Variants in WDFY4 observed in about 807,000 individuals in gnomAD.
WDFY4 encodes WD repeat- and FYVE domain-containing protein 4.
Under a neutral mutation model 351.9 loss-of-function variants are expected in WDFY4, and 169 were observed. The observed-to-expected ratio is 0.48, with a 90% CI of 0.42 to 0.55. WDFY4 has a LOEUF of 0.55. WDFY4 is among the 20% of genes least tolerant of loss of function. The pLI, the probability that WDFY4 is intolerant of heterozygous loss-of-function variation, is 0.00. For missense variants in WDFY4, 3,803 were observed against 3,935.6 expected (o/e 0.97, Z 0.90); for synonymous variants, 1,622 against 1,574.6 (o/e 1.03, Z -0.71).
chr10:48,716,709 A>T (rs778262677), intron 2 of WDFY4, among the ~76,000 whole-genome samples: 4 of 152,158 alleles, frequency 2.6e-5, no homozygotes, highest in Non-Finnish European at 5.9e-5. Flanking sequence ...AATTTGCTTT[A>T]TTGTGGAGTG....
chr10:48,850,035 A>C (rs1371072958), intron 39 of WDFY4, among the ~76,000 whole-genome samples: 1 of 152,246 alleles, frequency 6.6e-6, no homozygotes, highest in East Asian at 1.9e-4. Context: ...TTGGAAGGAC[A>C]ACCACAGAAG....
intron 47 of WDFY4, among the ~76,000 whole-genome samples, chr10:48,939,690 AAT>A (rs1480274479): frequency 6.6e-6 from 1 of 152,264 alleles, no homozygotes; most frequent in Non-Finnish European, 1.5e-5. Flanking sequence ...AGAGTTCTGT[AAT>A]CACCTTCAGA....
chr10:48,936,819 C>T (rs926525791), intron 47 of WDFY4, among the ~76,000 whole-genome samples: 37 of 131,080 alleles, frequency 2.8e-4, no homozygotes, highest in African/African-American at 9.8e-4. Context: ...GCCTGGGCAA[C>T]AGAGTGAGAC....
chr10:48,836,780 T>G (rs1457134157), intron 39 of WDFY4, among the ~76,000 whole-genome samples: 2 of 152,078 alleles, frequency 1.3e-5, no homozygotes, highest in Non-Finnish European at 2.9e-5. Context: ...TGGACAGAGG[T>G]TGGGAACTTG....
intron 13 of WDFY4, among the ~76,000 whole-genome samples, chr10:48,767,885 G>C (rs890023842): frequency 1.3e-5 from 2 of 152,108 alleles, no homozygotes. Context: ...TCTGAGCTGG[G>C]GCACAGACAT....
At chr10:48,962,670 T>C (rs1162599737) in intron 53 of WDFY4, among the ~76,000 whole-genome samples, 1 of 152,214 alleles carries the variant, frequency 6.6e-6, no homozygotes, top group Non-Finnish European at 1.5e-5. Flanking sequence ...ATGACACCTT[T>C]TATGAGGGGC....
chr10:48,737,580 C>T (rs762492953), intron 11 of WDFY4, among the ~76,000 whole-genome samples: 18 of 152,172 alleles, frequency 1.2e-4, no homozygotes, highest in South Asian at 4.1e-4. Flanking sequence ...CAAAGCATTG[C>T]GTGGTCCATC....
intron 46 of WDFY4, 101 bp from the exon 47 acceptor site, chr10:48,901,700 A>T: frequency 7.7e-7 from 1 of 1,291,230 alleles, no homozygotes; most frequent in Non-Finnish European, 1.1e-6. Flanking sequence ...GAGGGGGAGC[A>T]ATAATGAGCC....
chr10:48,816,411 T>C (rs1312577995), intron 31 of WDFY4, among the ~76,000 whole-genome samples: 1 of 152,258 alleles, frequency 6.6e-6, no homozygotes, highest in Non-Finnish European at 1.5e-5. Context: ...CTCTCTTTGA[T>C]TCACATTTTC....
chr10:48,806,200 A>C (rs1589656142), intron 27 of WDFY4, 105 bp downstream of exon 27: 12 of 1,131,936 alleles, frequency 1.1e-5, no homozygotes, highest in South Asian at 1.3e-5. Flanking sequence ...AGGGGAAGGC[A>C]CCCACAGCCA....
intron 39 of WDFY4, among the ~76,000 whole-genome samples, chr10:48,833,743 G>A (rs2068279425): frequency 6.6e-6 from 1 of 152,236 alleles, no homozygotes; most frequent in Admixed American, 6.5e-5. Flanking sequence ...AGACATGGCT[G>A]TAGGGTCAGG....
intron 47 of WDFY4, among the ~76,000 whole-genome samples, chr10:48,907,645 G>A (rs909413261): frequency 6.6e-6 from 1 of 152,108 alleles, no homozygotes; most frequent in Non-Finnish European, 1.5e-5. Context: ...CACCCCAGAG[G>A]CACCACAGTT....
intron 47 of WDFY4, among the ~76,000 whole-genome samples, chr10:48,905,976 G>A (rs1295414763): frequency 6.6e-6 from 1 of 152,204 alleles, no homozygotes; most frequent in Non-Finnish European, 1.5e-5. Context: ...CCCAATTGTG[G>A]CTTCAGGAGC....
At chr10:48,830,021 A>G (rs2068135057) in intron 37 of WDFY4, among the ~76,000 whole-genome samples, 1 of 152,140 alleles carries the variant, frequency 6.6e-6, no homozygotes, top group African/African-American at 2.4e-5. Context: ...CCATTCCCTT[A>G]GGGTGAGAGA....
intron 39 of WDFY4, among the ~76,000 whole-genome samples, chr10:48,839,411 G>C (rs1022680865): frequency 2.0e-5 from 3 of 152,222 alleles, no homozygotes; most frequent in Non-Finnish European, 4.4e-5. Context: ...TCGTGGGAAA[G>C]AGAGAAGGGT....
At chr10:48,753,379 C>T (rs916568888) in intron 12 of WDFY4, among the ~76,000 whole-genome samples, 1 of 151,958 alleles carries the variant, frequency 6.6e-6, no homozygotes, top group Non-Finnish European at 1.5e-5. Flanking sequence ...TGATGAAGTC[C>T]AGTTTATCCA....
chr10:48,912,649 T>C (rs1838113372), intron 47 of WDFY4, among the ~76,000 whole-genome samples: 2 of 152,228 alleles, frequency 1.3e-5, no homozygotes, highest in South Asian at 4.1e-4. Context: ...TGTTGATTTA[T>C]TGAATGCACC....
chr10:48,867,702 AGT>A (rs556594256), intron 40 of WDFY4, among the ~76,000 whole-genome samples: 24 of 152,364 alleles, frequency 1.6e-4, no homozygotes, highest in African/African-American at 5.3e-4. Context: ...TTTAAAAGCA[AGT>A]GTGAAGCACC....
At chr10:48,719,390 G>C (rs2064006020) in intron 2 of WDFY4, among the ~76,000 whole-genome samples, 1 of 152,204 alleles carries the variant, frequency 6.6e-6, no homozygotes, top group Non-Finnish European at 1.5e-5. Flanking sequence ...AGAGCACAGC[G>C]ATGCTCAGTG....
Sources: allele counts gnomAD v4.1 joint callset (sites outside exome capture counted in the v4.1 genomes callset), GRCh38; gene constraint gnomAD v4.1.1; transcripts MANE v1.5; gene names NCBI Gene and HGNC (gene_info 2026-07-23, HGNC 2026-07-21).